The following GFPT1 variants were observed in gnomAD, a reference collection of about 807,000 sequenced individuals.
The protein encoded by GFPT1 is glutamine--fructose-6-phosphate aminotransferase [isomerizing] 1.
GFPT1 carries 40 observed loss-of-function variants against 92.0 expected under a neutral mutation model. The ratio of observed to expected loss-of-function variants is 0.43; its 90% CI spans 0.34 to 0.57. The LOEUF is 0.57. Among genes scored for constraint, GFPT1 ranks in the 20% least tolerant of loss-of-function variants. The probability of loss-of-function intolerance (pLI) is 0.02; values close to 1 mark genes in which losing one functional copy is unlikely to be tolerated. For missense variants in GFPT1, 448 were observed against 869.1 expected (o/e 0.52, Z 6.09); for synonymous variants, 269 against 280.6 (o/e 0.96, Z 0.41).
At position 69,329,769 on chromosome 2, in the gene GFPT1, C is replaced by G. The variant is rs1218788639; in HGVS notation, c.1512G>C (p.Val504=). The change falls in exon 16 of 20, where the codon GTG becomes GTC. Residue 504 remains valine, a synonymous_variant. Coordinates refer to ENST00000357308, the MANE Select transcript of GFPT1 (RefSeq NM_001244710.2). ...CATCACACATCATAAGGGCAAACATCACAAGGGATACAAACTGGCTGGTAT... is the reference window on the plus strand; with the variant it reads ...CATCACACATCATAAGGGCAAACATGACAAGGGATACAAACTGGCTGGTAT... ...KAYTSQFVSL[V]MFALMMCDDR... The G allele has an allele frequency of 6.2e-7, 1 of 1,610,174 alleles. No individual in the cohort carries two copies. Among genetic ancestry groups the G allele is most frequent in the Non-Finnish European group, 8.5e-7 (1 of 1,176,390 alleles).
intron 4 of GFPT1, among the ~76,000 whole-genome samples, chr2:69,362,782 G>A (rs942372527): frequency 1.1e-4 from 17 of 152,106 alleles, no homozygotes; most frequent in African/African-American, 4.1e-4. Flanking sequence ...GGGCGACACA[G>A]CGAGACTTGG....
intron 13 of GFPT1, among the ~76,000 whole-genome samples, chr2:69,341,695 GAATAA>G (rs1167585554): frequency 1.3e-5 from 2 of 151,764 alleles, no homozygotes; most frequent in African/African-American, 4.8e-5. Context: ...ACAATTTAAA[GAATAA>G]AATCTGATTT....
chr2:69,367,075 TA>T (rs1445454657), intron 3 of GFPT1, among the ~76,000 whole-genome samples: 1 of 152,204 alleles, frequency 6.6e-6, no homozygotes, highest in Non-Finnish European at 1.5e-5. Context: ...TAAATAAATG[TA>T]AAAAATGCAG....
At chr2:69,381,119 A>G (rs1251398258) in intron 1 of GFPT1, among the ~76,000 whole-genome samples, 1 of 151,892 alleles carries the variant, frequency 6.6e-6, no homozygotes, top group African/African-American at 2.4e-5. Context: ...AGCAGCTGGG[A>G]TTACAGGCGT....
At chr2:69,334,915 C>A (rs1574047409) in intron 15 of GFPT1, among the ~76,000 whole-genome samples, 1 of 152,158 alleles carries the variant, frequency 6.6e-6, no homozygotes, top group Non-Finnish European at 1.5e-5. Context: ...AACAGTTGTA[C>A]AGCCAAATGA....
intron 1 of GFPT1, among the ~76,000 whole-genome samples, chr2:69,379,876 C>T (rs915882653): frequency 1.3e-5 from 2 of 151,926 alleles, no homozygotes; most frequent in Admixed American, 6.6e-5. Flanking sequence ...TAAGCTACCA[C>T]GCCCAGTTAT....
chr2:69,339,918 C>T (rs924043079), intron 13 of GFPT1, among the ~76,000 whole-genome samples: 3 of 151,864 alleles, frequency 2.0e-5, no homozygotes, highest in Non-Finnish European at 4.4e-5. Context: ...CACTAAAATG[C>T]TAAATGTTTT....
intron 15 of GFPT1, among the ~76,000 whole-genome samples, chr2:69,334,194 T>C (rs1670740600): frequency 1.3e-5 from 2 of 151,982 alleles, no homozygotes; most frequent in Admixed American, 1.3e-4. Context: ...ATCGACTTCT[T>C]TCAATACCCA....
chr2:69,341,652 C>T (rs1302071371), intron 13 of GFPT1, among the ~76,000 whole-genome samples: 3 of 150,616 alleles, frequency 2.0e-5, no homozygotes, highest in African/African-American at 4.9e-5. Context: ...TGACAATACA[C>T]ATTTTTGATA....
At chr2:69,378,441 T>G (rs1043522188) in intron 1 of GFPT1, among the ~76,000 whole-genome samples, 4 of 152,234 alleles carry the variant, frequency 2.6e-5, no homozygotes, top group Admixed American at 6.5e-5. Context: ...CAAATCAGCA[T>G]GCACTTCACA....
At position 69,363,588 on chromosome 2, in the gene GFPT1, G is replaced by C. The variant is rs763230648; in HGVS notation, c.306C>G (p.Pro102=). ...GCTGGGGGTGGCTATTGACAGGACT[G>C]GGTTCTCCATGTGTTGCCCAACGGG... ...AHTRWATHGE[P]SPVNSHPQRS... Residue 102 remains proline, a synonymous_variant, in exon 4 of 20, where the codon CCC becomes CCG. Coordinates refer to ENST00000357308, the MANE Select transcript of GFPT1 (RefSeq NM_001244710.2). 8 of 1,613,554 alleles carry C rather than the reference G, an allele frequency of 5.0e-6. No individual in the cohort carries two copies. The highest frequency in any genetic ancestry group is 6.8e-6 in the Non-Finnish European group (8 of 1,179,592).
chr2:69,371,125 G>A (rs1226924467), intron 2 of GFPT1, among the ~76,000 whole-genome samples: 1 of 137,652 alleles, frequency 7.3e-6, no homozygotes, highest in East Asian at 2.2e-4. Context: ...CGCCCAGGAT[G>A]GAGGGCAGTG....
In GFPT1 at chr2:69,319,884, A is replaced by G. The variant is rs147380696; in HGVS notation, c.*6305T>C. The G allele has an allele frequency of 6.6e-6, 1 of 152,366 alleles. No individual in the cohort carries two copies. Among genetic ancestry groups the G allele is most frequent in the East Asian group, 1.9e-4 (1 of 5,190 alleles). 9.4% of individuals were successfully genotyped at this position (152,366 alleles called of 1,614,324 possible). A position where few individuals can be genotyped will look rare whatever the true frequency, so the allele number is the denominator to read the frequency against. On this transcript the variant is annotated 3_prime_UTR_variant, in exon 20 of 20. Transcript: ENST00000357308. ...AAAACAATTCTACATACAAAGTACAATAGGAAAAAACCAAAAGCCCCCATA... is the reference window on the plus strand; with the variant it reads ...AAAACAATTCTACATACAAAGTACAGTAGGAAAAAACCAAAAGCCCCCATA...
intron 13 of GFPT1, 125 bp from the exon 14 acceptor site, chr2:69,338,690 A>G: frequency 1.2e-6 from 1 of 849,586 alleles, no homozygotes; most frequent in South Asian, 1.5e-5. Context: ...GAAAATAAAA[A>G]CAACCCAGAT....
intron 13 of GFPT1, among the ~76,000 whole-genome samples, chr2:69,340,006 T>TA (rs1276056902): frequency 6.6e-6 from 1 of 151,796 alleles, no homozygotes; most frequent in East Asian, 1.9e-4. Flanking sequence ...TTCTTCAAAA[T>TA]AAAAAGATGG....
chr2:69,371,664 C>T (rs987962373), intron 2 of GFPT1, among the ~76,000 whole-genome samples: 37 of 148,826 alleles, frequency 2.5e-4, no homozygotes, highest in Admixed American at 6.7e-5. Context: ...GGTGAAACCC[C>T]GTCTCTACTA....
At chr2:69,353,981 C>T (rs1379881200) in intron 9 of GFPT1, among the ~76,000 whole-genome samples, 1 of 152,156 alleles carries the variant, frequency 6.6e-6, no homozygotes, top group East Asian at 1.9e-4. Context: ...ATACATCCTA[C>T]ATGATTTTAA....
At chr2:69,367,637 A>C (rs1313317718) in intron 3 of GFPT1, among the ~76,000 whole-genome samples, 1 of 152,198 alleles carries the variant, frequency 6.6e-6, no homozygotes, top group African/African-American at 2.4e-5. Context: ...CCAGGATTAC[A>C]AGCGTGAGCC....
In GFPT1 at chr2:69,336,738, A is replaced by G. The variant is rs940953398; in HGVS notation, c.1482+1160T>C. On this transcript the variant is annotated intron_variant, in intron 15 of 19. Transcript: ENST00000357308. ...CATGAGTCTGAGGCTGCAGGGAGCT[A>G]TGATTCCTGTCACTGCACTCCAGCC... 5.9e-5 allele frequency among the ~76,000 whole-genome samples: 9 copies of G among 152,004 alleles called. No homozygotes were observed. The South Asian group carries it at 1.9e-3, about 32-fold the overall frequency.
Sources: gnomAD v4.1 joint callset for allele counts (sites outside exome capture counted in the v4.1 genomes callset) on GRCh38, gnomAD v4.1.1 for gene constraint, MANE v1.5 for transcripts, NCBI Gene and HGNC (gene_info 2026-07-23, HGNC 2026-07-21) for gene names.